MICU2: variants seen among roughly 807,000 people sequenced by gnomAD.
MICU2 encodes the protein calcium uptake protein 2, mitochondrial.
A neutral mutation model predicts 60.4 loss-of-function variants in MICU2; 64 were observed. That is an observed-to-expected ratio of 1.06 (90% CI 0.87 to 1.31). The LOEUF (loss-of-function observed/expected upper bound fraction) is 1.31, where lower values mean the gene tolerates loss of function less well. Among genes scored for constraint, MICU2 ranks in the 50% most tolerant of loss-of-function variants. MICU2 has a pLI of 0.00. For missense variants in MICU2, 569 were observed against 531.0 expected, an observed-to-expected ratio of 1.07 and a Z score of -0.70; for synonymous variants, 201 against 175.0, an observed-to-expected ratio of 1.15 and a Z score of -1.17.
chr13:21,502,954 T>C lies in MICU2; in HGVS notation c.905A>G (p.Asn302Ser). The C allele has an allele frequency of 6.2e-7, 1 of 1,610,660 alleles. No homozygotes were observed. Among genetic ancestry groups the C allele is most frequent in the Non-Finnish European group, 8.5e-7 (1 of 1,179,144 alleles). The stretch of plus-strand genomic sequence containing the variant: ...TCCTGCTGACAACTTCTCTCTCACA[T>C]TTTTCCAATAAATATCTTTATTTTC... Reference protein sequence around the residue: ...NTENKDIYWKNVREKLSAGES... With the variant: ...NTENKDIYWKSVREKLSAGES... Residue 302 changes from asparagine (N) to serine (S), a missense_variant, in exon 9 of 12, where the codon AAT (asparagine) becomes AGT (serine). By Grantham distance (46) the Asn-to-Ser change is conservative. Transcript: ENST00000382374.
chr13:21,572,850 G>A (rs1888143167), intron 1 of MICU2, among the ~76,000 whole-genome samples: 1 of 152,138 alleles, frequency 6.6e-6, no homozygotes, highest in African/African-American at 2.4e-5. Context: ...TATACATGGT[G>A]ATGATTTTCT....
chr13:21,555,511 G>A (rs1340588111), intron 2 of MICU2, among the ~76,000 whole-genome samples: 1 of 152,040 alleles, frequency 6.6e-6, no homozygotes, highest in African/African-American at 2.4e-5. Context: ...GGTATTGATG[G>A]GATGTATCTC....
intron 2 of MICU2, among the ~76,000 whole-genome samples, chr13:21,543,774 T>G (rs1383798210): frequency 1.3e-5 from 2 of 150,212 alleles, no homozygotes; most frequent in African/African-American, 4.9e-5. Flanking sequence ...GTAATCCTTA[T>G]CAAAATAACA....
At chr13:21,514,264 A>G in intron 7 of MICU2, 89 bp downstream of exon 7, 1 of 1,140,032 alleles carries the variant, frequency 8.8e-7, no homozygotes, top group Non-Finnish European at 1.3e-6. Context: ...GCTGATACCA[A>G]ATCTATTGGT....
intron 6 of MICU2, among the ~76,000 whole-genome samples, chr13:21,517,336 T>C (rs1416705299): frequency 3.3e-5 from 5 of 152,248 alleles, no homozygotes; most frequent in African/African-American, 7.2e-5. Flanking sequence ...CTCATTACTT[T>C]TGTAGTACAT....
chr13:21,508,004 T>C (rs578253931), intron 8 of MICU2, among the ~76,000 whole-genome samples: 113 of 152,140 alleles, frequency 7.4e-4, no homozygotes, highest in Non-Finnish European at 1.1e-3. Context: ...TGGATTTTCA[T>C]GCATTCTTCT....
At chr13:21,503,494 C>T (rs1480608341) in intron 8 of MICU2, among the ~76,000 whole-genome samples, 2 of 152,208 alleles carry the variant, frequency 1.3e-5, no homozygotes, top group East Asian at 3.8e-4. Context: ...AGGTGGGACA[C>T]TGCTTTTAGA....
chr13:21,505,932 G>A (rs1348178735), intron 8 of MICU2, among the ~76,000 whole-genome samples: 1 of 152,046 alleles, frequency 6.6e-6, no homozygotes, highest in African/African-American at 2.4e-5. Context: ...TTAGAAAGAC[G>A]CCATGCACCA....
rs370440530 is a variant in MICU2 at position 21,539,737 on chromosome 13, C to G, written c.359-49G>C. On this transcript the variant is annotated intron_variant, in intron 2 of 11. Coordinates refer to ENST00000382374, the MANE Select transcript of MICU2 (RefSeq NM_152726.3). ...TTAGTATCCATATTCTTTGGTAAAA[C>G]TCAACTTGCACTAAGAAAGAAAATT... 32 of 1,541,290 alleles carry G rather than the reference C, an allele frequency of 2.1e-5. No homozygotes were observed. In the African/African-American group the frequency reaches 2.9e-4, roughly 14 times the overall value.
chr13:21,495,575 G>A lies in MICU2; in HGVS notation c.1043-257C>T, dbSNP rs182792408. 1.1e-3 allele frequency: 364 copies of A among 338,474 alleles called. 1 individual carries two copies. The highest frequency in any genetic ancestry group is 6.6e-3 in the African/African-American group (312 of 47,228). The allele number at this position is 338,474 out of a possible 1,614,324, so 21.0% of individuals were successfully genotyped here. On this transcript the variant is annotated intron_variant, in intron 10 of 11. Coordinates refer to ENST00000382374, the MANE Select transcript of MICU2 (RefSeq NM_152726.3). ...ATATTTGAGATGAATCTTGCTCGTC[G>A]CCCAGGCTGGAGTGCAATGGCACGA...
Position 21,493,953 on chromosome 13 carries a change from C to T in MICU2, c.1201-600G>A, listed in dbSNP as rs1593310118. On this transcript the variant is annotated intron_variant, in intron 11 of 11. Coordinates refer to ENST00000382374, the MANE Select transcript of MICU2 (RefSeq NM_152726.3). The stretch of plus-strand genomic sequence containing the variant: ...TCCGGGGGACCACAGGAGCATAGCA[C>T]TGATGAAAATTAGCCAAGTGGAAGC... Among the ~76,000 whole-genome samples the T allele has an allele frequency of 2.0e-5, 3 of 152,238 alleles. No homozygotes were observed. The South Asian group carries it at 6.2e-4, about 32-fold the overall frequency.
intron 4 of MICU2, among the ~76,000 whole-genome samples, chr13:21,524,654 A>T (rs1401272238): frequency 6.6e-6 from 1 of 152,208 alleles, no homozygotes; most frequent in African/African-American, 2.4e-5. Context: ...TTACCATTTA[A>T]ACCATTTTTA....
chr13:21,576,068 C>T (rs944999464), intron 1 of MICU2, among the ~76,000 whole-genome samples: 3 of 152,188 alleles, frequency 2.0e-5, no homozygotes, highest in Admixed American at 6.5e-5. Flanking sequence ...ATGAAAGGAA[C>T]AACAAACATT....
intron 3 of MICU2, 61 bp downstream of exon 3, chr13:21,539,596 C>G (rs1440346726): frequency 6.2e-7 from 1 of 1,608,850 alleles, no homozygotes. Flanking sequence ...CCGTGCCCGG[C>G]CAAAAGTTCA....
At chr13:21,522,404 T>C (rs1433848324) in intron 5 of MICU2, among the ~76,000 whole-genome samples, 199 bp downstream of exon 5, 2 of 152,212 alleles carry the variant, frequency 1.3e-5, no homozygotes, top group African/African-American at 2.4e-5. Flanking sequence ...GAGACAAAGC[T>C]ATGGGCTGCT....
chr13:21,514,448 G>A, intron 6 of MICU2, 30 bp from the exon 7 acceptor site: 1 of 1,564,416 alleles, frequency 6.4e-7, no homozygotes, highest in Non-Finnish European at 8.8e-7. Flanking sequence ...GAGTTTACAT[G>A]TGTGCCTACC....
At chr13:21,538,239 C>G (rs530157613) in intron 4 of MICU2, among the ~76,000 whole-genome samples, 1 of 151,886 alleles carries the variant, frequency 6.6e-6, no homozygotes, top group African/African-American at 2.4e-5. Flanking sequence ...GTTGGCCCTC[C>G]GCATCCATGC....
rs1284022511 is a variant in MICU2, at chr13:21,496,160, T to C, written c.934A>G (p.Ser312Gly). 1 of 1,602,392 alleles carries C rather than the reference T, an allele frequency of 6.2e-7. No individual in the cohort carries two copies. Among genetic ancestry groups the C allele is most frequent in the Admixed American group, 1.7e-5 (1 of 58,570 alleles). The part of the protein sequence containing the change: ...NVREKLSAGE[S>G]ISLDEFKSFC... The stretch of plus-strand genomic sequence containing the variant: ...GACTTGAATTCATCCAAACTAATGC[T>C]CTAATAAAGTAAGAGTTTTTATTAC... Residue 312 changes from serine to glycine, a missense_variant and splice_region_variant, in exon 10 of 12, where the codon AGC becomes GGC. Coordinates refer to ENST00000382374, the MANE Select transcript of MICU2 (RefSeq NM_152726.3).
chr13:21,564,561 A>G (rs1456664494), intron 2 of MICU2, among the ~76,000 whole-genome samples: 5 of 152,036 alleles, frequency 3.3e-5, no homozygotes, highest in Non-Finnish European at 5.9e-5. Flanking sequence ...CTGTGAAGGG[A>G]TGTACCCTTC....
Sources: gnomAD v4.1 joint callset for allele counts (sites outside exome capture counted in the v4.1 genomes callset) on GRCh38, gnomAD v4.1.1 for gene constraint, MANE v1.5 for transcripts, NCBI Gene and HGNC (gene_info 2026-07-23, HGNC 2026-07-21) for gene names.